The following SEMA6A variants were observed in gnomAD, a reference collection of about 807,000 sequenced individuals.
SEMA6A encodes the protein semaphorin-6A.
SEMA6A carries 25 observed loss-of-function variants against 96.8 expected under a neutral mutation model. That is an observed-to-expected ratio of 0.26 (90% confidence interval 0.19 to 0.36). The LOEUF (loss-of-function observed/expected upper bound fraction) is 0.36, where lower values mean the gene tolerates loss of function less well. SEMA6A is among the 10% of genes least tolerant of loss of function. The probability of loss-of-function intolerance (pLI) is 1.00; values close to 1 mark genes in which losing one functional copy is unlikely to be tolerated. For missense variants in SEMA6A, 1,363 were observed against 1,323.1 expected, an observed-to-expected ratio of 1.03 and a Z score of -0.47; for synonymous variants, 612 against 518.0, an observed-to-expected ratio of 1.18 and a Z score of -2.46.
At position 116,544,156 on chromosome 5, in the gene SEMA6A, G is replaced by A. The variant is rs186277606; in HGVS notation, c.-39+30029C>T. Among the ~76,000 whole-genome samples the A allele has an allele frequency of 3.6e-3, 551 of 152,288 alleles. 4 individuals carry two copies. The highest frequency in any genetic ancestry group is 0.013 in the African/African-American group (543 of 41,562). ...CAAAGTTAGTGTCTAGGATCACTGA[G>A]ACATTTCCTTTCTGATCCACTTTCC... On this transcript the variant is annotated intron_variant, in intron 1 of 18. Transcript: ENST00000343348.
chr5:116,534,709 G>T (rs934124843), intron 1 of SEMA6A, among the ~76,000 whole-genome samples: 1 of 152,212 alleles, frequency 6.6e-6, no homozygotes, highest in African/African-American at 2.4e-5. Context: ...TATGTTTACT[G>T]GATGGTTGAT....
intron 2 of SEMA6A, among the ~76,000 whole-genome samples, chr5:116,503,491 G>A (rs1312707168): frequency 2.7e-5 from 4 of 146,802 alleles, no homozygotes; most frequent in African/African-American, 1.0e-4. Flanking sequence ...GTGGCTTACA[G>A]TAGTCCATTT....
Position 116,541,746 on chromosome 5 carries a change from T to C in SEMA6A, c.-39+32439A>G, listed in dbSNP as rs534127901. 2.6e-5 allele frequency among the ~76,000 whole-genome samples: 4 copies of C among 152,216 alleles called. No homozygotes were observed. The South Asian group carries it at 8.3e-4, about 32-fold the overall frequency. ...TACTCAGGAGGCTGAGGCAGGAGAA[T>C]CATTTGAACCTGGGAGGTGGAGGTT... On this transcript the variant is annotated intron_variant, in intron 1 of 18. Coordinates refer to ENST00000343348, the MANE Select transcript of SEMA6A (RefSeq NM_020796.5).
intron 18 of SEMA6A, among the ~76,000 whole-genome samples, chr5:116,466,533 G>C (rs924962428): frequency 7.2e-5 from 11 of 152,272 alleles, no homozygotes; most frequent in African/African-American, 2.6e-4. Flanking sequence ...AGAGTGCCCA[G>C]CACTCTCAGG....
intron 1 of SEMA6A, among the ~76,000 whole-genome samples, chr5:116,545,498 A>T (rs1471060903): frequency 6.6e-6 from 1 of 152,002 alleles, no homozygotes; most frequent in East Asian, 1.9e-4. Context: ...TGAACCTGGG[A>T]GGTGGAGGTT....
At chr5:116,491,679 T>C in intron 7 of SEMA6A, 61 bp downstream of exon 7, 3 of 1,255,008 alleles carry the variant, frequency 2.4e-6, no homozygotes, top group Admixed American at 3.4e-5. Flanking sequence ...TAGAGCAGAT[T>C]CACAGTGACA....
At chr5:116,508,844 C>G (rs991937947) in intron 1 of SEMA6A, among the ~76,000 whole-genome samples, 1 of 152,172 alleles carries the variant, frequency 6.6e-6, no homozygotes, top group African/African-American at 2.4e-5. Context: ...ACCTCACCTG[C>G]CTGCCCTTGA....
Position 116,445,842 on chromosome 5 carries a change from C to T in SEMA6A, c.*771G>A, listed in dbSNP as rs950554527. 2 of 152,590 alleles carry T rather than the reference C, an allele frequency of 1.3e-5. No individual in the cohort carries two copies. The highest frequency in any genetic ancestry group is 2.9e-5 in the Non-Finnish European group (2 of 68,036). 9.5% of individuals were successfully genotyped at this position (152,590 alleles called of 1,614,324 possible). ...AATAGTTTAACTTTCAATGGGCTTTCTGAAGAGCTGTTCATAGGATGATAT... is the reference window on the plus strand; with the variant it reads ...AATAGTTTAACTTTCAATGGGCTTTTTGAAGAGCTGTTCATAGGATGATAT... On this transcript the variant is annotated 3_prime_UTR_variant, in exon 19 of 19. Transcript: ENST00000343348.
chr5:116,480,299 G>C (rs762350198), intron 11 of SEMA6A, 22 bp from the exon 12 acceptor site: 4 of 1,612,214 alleles, frequency 2.5e-6, no homozygotes. Flanking sequence ...CAAAGGGTGA[G>C]GAAGGAGGGA....
Position 116,445,536 on chromosome 5 carries a change from G to A in SEMA6A, c.*1077C>T, listed in dbSNP as rs1002059849. 3.9e-5 allele frequency: 6 copies of A among 152,606 alleles called. No homozygotes were observed. Among genetic ancestry groups the A allele is most frequent in the African/African-American group, 4.8e-5 (2 of 41,458 alleles). 9.5% of individuals were successfully genotyped at this position (152,606 alleles called of 1,614,324 possible). A position where few individuals can be genotyped will look rare whatever the true frequency, so the allele number is the denominator to read the frequency against. ...AACCATGTTGGCATCAATGAGATAT[G>A]ATGTGCCATTCTAAAAGCTTTCTCT... is the stretch of plus-strand genomic sequence containing the variant. On this transcript the variant is annotated 3_prime_UTR_variant, in exon 19 of 19. Transcript: ENST00000343348.
At chr5:116,471,472 A>G (rs1334619290) in intron 17 of SEMA6A, 2 of 152,202 alleles carry the variant, frequency 1.3e-5, no homozygotes, top group South Asian at 2.1e-4. Flanking sequence ...AGACTATTCA[A>G]TTATAGGAAA....
At chr5:116,458,228 C>G (rs1755141300) in intron 18 of SEMA6A, among the ~76,000 whole-genome samples, 1 of 152,140 alleles carries the variant, frequency 6.6e-6, no homozygotes, top group Non-Finnish European at 1.5e-5. Flanking sequence ...TAGGACAAAA[C>G]AAAATCTAGA....
intron 1 of SEMA6A, chr5:116,550,308 GGAGA>G (rs905292369): frequency 6.6e-6 from 1 of 152,072 alleles, no homozygotes; most frequent in African/African-American, 2.4e-5. Context: ...TTTTAAGAAA[GGAGA>G]GATTACCAAG....
chr5:116,548,325 T>A (rs1290082353), intron 1 of SEMA6A, among the ~76,000 whole-genome samples: 2 of 152,198 alleles, frequency 1.3e-5, no homozygotes, highest in East Asian at 3.9e-4. Flanking sequence ...TGCATTTCAG[T>A]GAACATCACA....
chr5:116,522,500 G>A (rs1190835653), intron 1 of SEMA6A, among the ~76,000 whole-genome samples: 1 of 152,186 alleles, frequency 6.6e-6, no homozygotes, highest in East Asian at 1.9e-4. Flanking sequence ...GATCTGTGAT[G>A]CAGATGGATG....
At chr5:116,502,693 G>A (rs556536084) in intron 2 of SEMA6A, 74 of 184,406 alleles carry the variant, frequency 4.0e-4, no homozygotes, top group Non-Finnish European at 6.5e-4. Flanking sequence ...TGAGGGGGCA[G>A]TCTGCCAAAG....
intron 1 of SEMA6A, among the ~76,000 whole-genome samples, chr5:116,560,449 T>C (rs780452786): frequency 1.3e-5 from 2 of 151,552 alleles, no homozygotes; most frequent in Non-Finnish European, 2.9e-5. Flanking sequence ...TTGAATTAAA[T>C]TGAACTGCTG....
At chr5:116,526,280 AAG>A (rs1180453844) in intron 1 of SEMA6A, among the ~76,000 whole-genome samples, 2 of 152,004 alleles carry the variant, frequency 1.3e-5, no homozygotes, top group African/African-American at 4.8e-5. Flanking sequence ...CCCTTTTCTT[AAG>A]ACACTCTTCA....
intron 17 of SEMA6A, among the ~76,000 whole-genome samples, chr5:116,470,456 T>C (rs111944924): frequency 2.6e-5 from 4 of 152,180 alleles, no homozygotes; most frequent in African/African-American, 4.8e-5. Flanking sequence ...TAAATAGGTA[T>C]ATTTTGAAAG....
Sources: allele counts gnomAD v4.1 joint callset (sites outside exome capture counted in the v4.1 genomes callset), GRCh38; gene constraint gnomAD v4.1.1; transcripts MANE v1.5; gene names NCBI Gene and HGNC (gene_info 2026-07-23, HGNC 2026-07-21).